Variants in ELMO1 observed in about 807,000 individuals in gnomAD.
ELMO1 encodes engulfment and cell motility 1, also known as engulfment and cell motility protein 1.
Under a neutral mutation model 98.9 loss-of-function variants are expected in ELMO1, and 26 were observed. The observed-to-expected ratio is 0.26, with a 90% CI of 0.19 to 0.36. ELMO1 has a LOEUF of 0.36. ELMO1 is among the 10% of genes least tolerant of loss of function. The probability of loss-of-function intolerance (pLI) is 1.00; values close to 1 mark genes in which losing one functional copy is unlikely to be tolerated. For missense variants in ELMO1, 627 were observed against 935.2 expected (o/e 0.67, Z 4.30); for synonymous variants, 346 against 346.0 (o/e 1.00, Z 0.00).
At chr7:37,403,097 A>T (rs980153398) in intron 1 of ELMO1, among the ~76,000 whole-genome samples, 9 of 152,224 alleles carry the variant, frequency 5.9e-5, no homozygotes, top group African/African-American at 2.2e-4. Flanking sequence ...TACACAATAG[A>T]ATATTACTCA....
chr7:36,966,996 T>G (rs1402356927), intron 16 of ELMO1, among the ~76,000 whole-genome samples: 1 of 152,228 alleles, frequency 6.6e-6, no homozygotes, highest in African/African-American at 2.4e-5. Context: ...TGCCAAGGTA[T>G]AACGTGCTTG....
intron 13 of ELMO1, among the ~76,000 whole-genome samples, chr7:37,136,578 T>C (rs1377524330): frequency 6.6e-6 from 1 of 152,220 alleles, no homozygotes; most frequent in Non-Finnish European, 1.5e-5. Flanking sequence ...TTTAGCCTCC[T>C]TCAACAAAAC....
chr7:37,037,622 A>C (rs1795265509), intron 15 of ELMO1, among the ~76,000 whole-genome samples: 1 of 152,174 alleles, frequency 6.6e-6, no homozygotes, highest in Non-Finnish European at 1.5e-5. Context: ...TTCTAAATAA[A>C]ATTCAGACAG....
chr7:37,404,243 T>A (rs970813298), intron 1 of ELMO1, among the ~76,000 whole-genome samples: 1 of 152,164 alleles, frequency 6.6e-6, no homozygotes, highest in Non-Finnish European at 1.5e-5. Context: ...CCCTCTCCCA[T>A]ACCACCAAGA....
At chr7:37,190,203 C>G (rs1177640223) in intron 13 of ELMO1, among the ~76,000 whole-genome samples, 1 of 152,178 alleles carries the variant, frequency 6.6e-6, no homozygotes, top group Non-Finnish European at 1.5e-5. Context: ...TGCTGATAGG[C>G]TACTAATTAT....
Position 36,853,673 on chromosome 7 carries a change from C to T in ELMO1, c.*1878G>A, listed in dbSNP as rs182565764. Among the ~76,000 whole-genome samples, 5 of 152,296 alleles carry T rather than the reference C, an allele frequency of 3.3e-5. No homozygotes were observed. The highest frequency in any genetic ancestry group is 1.2e-4 in the African/African-American group (5 of 41,572). On this transcript the variant is annotated 3_prime_UTR_variant, in exon 22 of 22. Transcript: ENST00000310758. ...GTGCTCTGGACCATATCATCTCAAC[C>T]CAGGTCAATCTGTAATTGCACATCC... is the stretch of plus-strand genomic sequence containing the variant.
chr7:36,895,133 A>AGG, intron 16 of ELMO1, 116 bp from the exon 17 acceptor site: 8 of 1,171,938 alleles, frequency 6.8e-6, no homozygotes, highest in Non-Finnish European at 9.6e-6. Flanking sequence ...CATGCTCAGC[A>AGG]TTAACCTTGA....
intron 15 of ELMO1, among the ~76,000 whole-genome samples, chr7:37,040,011 C>A (rs73688462): frequency 0.12 from 18,849 of 152,014 alleles, 1,577 homozygotes; most frequent in African/African-American, 0.25. Context: ...AGTAGGCTTT[C>A]CTGTGATAAT....
chr7:36,925,646 C>G (rs1215611152), intron 16 of ELMO1, among the ~76,000 whole-genome samples: 1 of 152,160 alleles, frequency 6.6e-6, no homozygotes, highest in Non-Finnish European at 1.5e-5. Flanking sequence ...TCACTTTGCC[C>G]CGACCCCTCC....
At chr7:36,877,979 A>AC (rs1246356587) in intron 19 of ELMO1, 31 bp downstream of exon 19, 1 of 1,554,414 alleles carries the variant, frequency 6.4e-7, no homozygotes, top group Non-Finnish European at 8.9e-7. Flanking sequence ...ACCGACCACC[A>AC]CTCAGGCCTC....
intron 20 of ELMO1, among the ~76,000 whole-genome samples, chr7:36,868,316 G>A (rs1035324975): frequency 5.4e-5 from 8 of 147,644 alleles, no homozygotes; most frequent in African/African-American, 1.0e-4. Context: ...GTTGATTTCC[G>A]CTTTGTTCTG....
chr7:37,020,534 T>G (rs779510369), intron 15 of ELMO1, among the ~76,000 whole-genome samples: 2 of 152,214 alleles, frequency 1.3e-5, no homozygotes, highest in Non-Finnish European at 2.9e-5. Context: ...ATTACTTGAC[T>G]AATGATAGAA....
At chr7:37,427,546 A>C (rs1335886635) in intron 1 of ELMO1, among the ~76,000 whole-genome samples, 1 of 152,256 alleles carries the variant, frequency 6.6e-6, no homozygotes, top group Non-Finnish European at 1.5e-5. Flanking sequence ...ATTTTAGATT[A>C]GTCATAAATA....
intron 8 of ELMO1, among the ~76,000 whole-genome samples, chr7:37,226,527 TC>T (rs1358067875): frequency 6.6e-6 from 1 of 152,036 alleles, no homozygotes; most frequent in Non-Finnish European, 1.5e-5. Context: ...ATCTGACTCC[TC>T]CCCCACCCCA....
At chr7:37,323,791 T>C (rs17170989) in intron 2 of ELMO1, among the ~76,000 whole-genome samples, 3,042 of 152,278 alleles carry the variant, frequency 0.02, 119 homozygotes, top group African/African-American at 0.069. Context: ...AATTTCTAAA[T>C]CCATGTCTCC....
At chr7:37,429,570 A>G (rs547886342) in intron 1 of ELMO1, 1 of 152,420 alleles carries the variant, frequency 6.6e-6, no homozygotes, top group Admixed American at 6.5e-5. Flanking sequence ...GGCAGTGGGC[A>G]GAGCACAGAG....
chr7:37,137,655 GC>G (rs1415479935), intron 13 of ELMO1, among the ~76,000 whole-genome samples: 1 of 151,970 alleles, frequency 6.6e-6, no homozygotes, highest in Non-Finnish European at 1.5e-5. Context: ...TCCTGCCTCA[GC>G]CTCCCGAGTA....
chr7:37,325,331 T>C lies in ELMO1; in HGVS notation c.79-9371A>G, dbSNP rs572784930. On this transcript the variant is annotated intron_variant, in intron 2 of 21. Coordinates refer to ENST00000310758, the MANE Select transcript of ELMO1 (RefSeq NM_014800.11). ...TGTCCCCTCCCAGGCGCGTGGCTGC[T>C]GGGCCTGGAAAGGCATGCAGTTAAT... Among the ~76,000 whole-genome samples, 3 of 152,372 alleles carry C rather than the reference T, an allele frequency of 2.0e-5. No individual in the cohort carries two copies. The South Asian group carries it at 6.2e-4, about 32-fold the overall frequency.
intron 1 of ELMO1, among the ~76,000 whole-genome samples, chr7:37,397,894 A>G (rs1048966646): frequency 1.3e-5 from 2 of 152,210 alleles, no homozygotes; most frequent in Non-Finnish European, 2.9e-5. Flanking sequence ...GCAAACTAAC[A>G]CAGGAACAGA....
Sources: allele counts gnomAD v4.1 joint callset (sites outside exome capture counted in the v4.1 genomes callset), GRCh38; gene constraint gnomAD v4.1.1; transcripts MANE v1.5; gene names NCBI Gene and HGNC (gene_info 2026-07-23, HGNC 2026-07-21).